MCTP1: variants seen among roughly 807,000 people sequenced by gnomAD.
MCTP1 encodes multiple C2 and transmembrane domain-containing protein 1.
A neutral mutation model predicts 120.6 loss-of-function variants in MCTP1; 69 were observed. The observed-to-expected ratio is 0.57, with a 90% CI of 0.47 to 0.70. The LOEUF (loss-of-function observed/expected upper bound fraction) is 0.70, where lower values mean the gene tolerates loss of function less well. Among genes scored for constraint, MCTP1 ranks in the 30% least tolerant of loss-of-function variants. The pLI, the probability that MCTP1 is intolerant of heterozygous loss-of-function variation, is 0.00. For synonymous variants in MCTP1, 529 were observed against 493.1 expected (o/e 1.07, Z -0.96); for missense variants, 1,203 against 1,248.8 (o/e 0.96, Z 0.55).
At chr5:94,922,276 A>G (rs1811855189) in intron 7 of MCTP1, among the ~76,000 whole-genome samples, 1 of 152,208 alleles carries the variant, frequency 6.6e-6, no homozygotes, top group Admixed American at 6.5e-5. Flanking sequence ...ACCAAATGGA[A>G]AGTACTGATA....
intron 1 of MCTP1, among the ~76,000 whole-genome samples, chr5:95,116,018 G>A (rs1181872821): frequency 6.6e-6 from 1 of 151,756 alleles, no homozygotes; most frequent in Non-Finnish European, 1.5e-5. Context: ...TTTTACTCCA[G>A]AAGAATATGT....
chr5:95,268,677 TGTGGGCACATG>T (rs1432684234), intron 1 of MCTP1, among the ~76,000 whole-genome samples: 18 of 152,244 alleles, frequency 1.2e-4, no homozygotes, highest in African/African-American at 4.1e-4. Context: ...TGTGATCATC[TGTGGGCACATG>T]ACTGCTCTCT....
At chr5:95,028,682 C>A (rs952188948) in intron 1 of MCTP1, among the ~76,000 whole-genome samples, 7 of 152,160 alleles carry the variant, frequency 4.6e-5, no homozygotes, top group African/African-American at 1.4e-4. Context: ...TGTAGATGGA[C>A]CACTCTCTTT....
chr5:94,833,423 G>T (rs962850091), intron 17 of MCTP1, among the ~76,000 whole-genome samples: 1 of 151,884 alleles, frequency 6.6e-6, no homozygotes, highest in African/African-American at 2.4e-5. Context: ...AGACTGAAAA[G>T]GCATAATAAA....
intron 1 of MCTP1, among the ~76,000 whole-genome samples, chr5:95,276,501 G>A (rs1037745723): frequency 6.6e-6 from 1 of 150,560 alleles, no homozygotes; most frequent in Non-Finnish European, 1.5e-5. Context: ...CAGGTGATCC[G>A]CTGCCTCGGC....
intron 1 of MCTP1, among the ~76,000 whole-genome samples, chr5:95,107,091 T>C (rs1757139495): frequency 1.3e-5 from 2 of 152,204 alleles, no homozygotes; most frequent in Non-Finnish European, 2.9e-5. Context: ...GTGTTAATTA[T>C]GATAGAGATA....
intron 17 of MCTP1, among the ~76,000 whole-genome samples, chr5:94,856,863 G>A (rs2153229124): frequency 6.6e-6 from 1 of 151,832 alleles, no homozygotes; most frequent in Non-Finnish European, 1.5e-5. Flanking sequence ...CTCTGGGGCT[G>A]CCTGCTGCAA....
chr5:95,076,641 C>T (rs902642001), intron 1 of MCTP1, among the ~76,000 whole-genome samples: 7 of 151,900 alleles, frequency 4.6e-5, no homozygotes, highest in African/African-American at 1.7e-4. Flanking sequence ...TATTTCTAAG[C>T]GAGGGAAATC....
At chr5:95,181,263 C>A (rs1748563398) in intron 1 of MCTP1, among the ~76,000 whole-genome samples, 1 of 152,206 alleles carries the variant, frequency 6.6e-6, no homozygotes, top group Non-Finnish European at 1.5e-5. Flanking sequence ...TGTGATCTGT[C>A]CTCTTTGTGC....
At chr5:94,781,023 T>C (rs748917574) in intron 18 of MCTP1, among the ~76,000 whole-genome samples, 15 of 152,162 alleles carry the variant, frequency 9.9e-5, no homozygotes, top group South Asian at 2.1e-4. Flanking sequence ...AGAAGCTGCA[T>C]TGGTACATTT....
intron 17 of MCTP1, among the ~76,000 whole-genome samples, chr5:94,819,625 T>C (rs999408953): frequency 3.3e-5 from 5 of 152,222 alleles, no homozygotes; most frequent in Admixed American, 6.5e-5. Flanking sequence ...AGGTCCAATG[T>C]GGCCATCCTG....
At chr5:94,948,431 GC>G (rs1685106816) in intron 3 of MCTP1, among the ~76,000 whole-genome samples, 1 of 152,000 alleles carries the variant, frequency 6.6e-6, no homozygotes, top group Non-Finnish European at 1.5e-5. Flanking sequence ...GTATAGTCAT[GC>G]TTTTTTGTTT....
chr5:94,889,032 G>A, intron 11 of MCTP1, 60 bp from the exon 12 acceptor site: 1 of 1,122,104 alleles, frequency 8.9e-7, no homozygotes. Context: ...TAAAGAGTGT[G>A]CTGAGAAAAC....
At chr5:95,283,724 C>T (rs1351338668) in intron 1 of MCTP1, 132 bp downstream of exon 1, 9 of 616,890 alleles carry the variant, frequency 1.5e-5, no homozygotes, top group African/African-American at 5.7e-5. Context: ...TCGACTGTTT[C>T]ATCTACTTAG....
At chr5:94,817,385 G>A (rs114193312) in intron 17 of MCTP1, among the ~76,000 whole-genome samples, 2,636 of 151,658 alleles carry the variant, frequency 0.017, 83 homozygotes, top group African/African-American at 0.062. Context: ...TCCAACCTGG[G>A]CGACAGTGAG....
chr5:94,777,802 G>A (rs1380459632), intron 19 of MCTP1, among the ~76,000 whole-genome samples: 5 of 152,104 alleles, frequency 3.3e-5, no homozygotes, highest in African/African-American at 1.2e-4. Context: ...TTGCAGGAAG[G>A]AGATTTTGTT....
chr5:94,951,923 G>A (rs1045208270), intron 3 of MCTP1, among the ~76,000 whole-genome samples: 83 of 152,202 alleles, frequency 5.5e-4, no homozygotes, highest in African/African-American at 2.0e-3. Context: ...TATAATCCCA[G>A]CACTTTGGGA....
At chr5:94,955,630 C>G (rs1822402936) in intron 2 of MCTP1, among the ~76,000 whole-genome samples, 1 of 152,172 alleles carries the variant, frequency 6.6e-6, no homozygotes, top group African/African-American at 2.4e-5. Flanking sequence ...TTTCCCCTCA[C>G]AGTATAAACA....
chr5:94,767,107 A>G (rs1472075230), intron 19 of MCTP1, among the ~76,000 whole-genome samples: 5 of 152,236 alleles, frequency 3.3e-5, no homozygotes, highest in Non-Finnish European at 7.3e-5. Context: ...GCATGCAAGG[A>G]TTGTTCAACA....
Sources: gnomAD v4.1 joint callset for allele counts (sites outside exome capture counted in the v4.1 genomes callset) on GRCh38, gnomAD v4.1.1 for gene constraint, MANE v1.5 for transcripts, NCBI Gene and HGNC (gene_info 2026-07-23, HGNC 2026-07-21) for gene names.